PTPRD: variants seen among roughly 807,000 people sequenced by gnomAD.
The protein encoded by PTPRD is protein tyrosine phosphatase receptor type D.
Under a neutral mutation model 214.5 loss-of-function variants are expected in PTPRD, and 34 were observed. The ratio of observed to expected loss-of-function variants is 0.16; its 90% CI spans 0.12 to 0.21. PTPRD has a LOEUF of 0.21. Ranked by LOEUF, PTPRD falls within the 10% of genes least tolerant of loss-of-function variation. The pLI is 1.00. For missense variants in PTPRD, 2,545 were observed against 2,398.7 expected (o/e 1.06, Z -1.27); for synonymous variants, 1,128 against 845.7 (o/e 1.33, Z -5.79).
intron 11 of PTPRD, among the ~76,000 whole-genome samples, chr9:9,009,683 G>C (rs1159105146): frequency 6.6e-6 from 1 of 152,068 alleles, no homozygotes; most frequent in Non-Finnish European, 1.5e-5. Flanking sequence ...TGACATTGGT[G>C]TATCTGTGGA....
intron 9 of PTPRD, among the ~76,000 whole-genome samples, chr9:9,245,237 C>T (rs945065981): frequency 3.3e-5 from 5 of 152,194 alleles, no homozygotes; most frequent in Non-Finnish European, 7.4e-5. Flanking sequence ...GGCGATTCCT[C>T]GGGGATCTAG....
At chr9:8,578,499 C>T (rs2154248115) in intron 14 of PTPRD, among the ~76,000 whole-genome samples, 1 of 152,154 alleles carries the variant, frequency 6.6e-6, no homozygotes, top group East Asian at 1.9e-4. Flanking sequence ...ACACGTGAAA[C>T]AAAAACTCAG....
In PTPRD at chr9:9,077,154, G is replaced by GTT. The variant is rs71317399; in HGVS notation, c.-142-58421_-142-58420dup. The stretch of plus-strand genomic sequence containing the variant: ...TGCCCATTTTAAAATCAGATTATTA[G>GTT]TTTTTTTTTTTTTTCTGTAGAGTTG... On this transcript the variant is annotated intron_variant, in intron 10 of 45. Transcript: ENST00000381196. Among the ~76,000 whole-genome samples, 292 of 144,662 alleles carry GTT rather than the reference G, an allele frequency of 2.0e-3. 2 individuals carry two copies. In the South Asian group the frequency reaches 0.028, roughly 14 times the overall value. 94.9% of individuals were successfully genotyped at this position (144,662 alleles called of 152,430 possible). A position where few individuals can be genotyped will look rare whatever the true frequency, so the allele number is the denominator to read the frequency against.
intron 3 of PTPRD, among the ~76,000 whole-genome samples, chr9:10,163,981 T>A (rs1183132376): frequency 1.3e-5 from 2 of 151,414 alleles, no homozygotes; most frequent in East Asian, 3.9e-4. Context: ...TATATGGCAA[T>A]GAACTATTTT....
intron 7 of PTPRD, among the ~76,000 whole-genome samples, chr9:9,709,630 G>C (rs2154422013): frequency 6.6e-6 from 1 of 151,992 alleles, no homozygotes; most frequent in African/African-American, 2.4e-5. Context: ...TTCACATTCA[G>C]CCATTCTAAA....
chr9:9,726,011 G>T (rs2098083915), intron 7 of PTPRD, among the ~76,000 whole-genome samples: 1 of 152,114 alleles, frequency 6.6e-6, no homozygotes, highest in South Asian at 2.1e-4. Context: ...TAACTACATG[G>T]CTATGAATGT....
At chr9:9,127,702 A>T (rs2099836228) in intron 10 of PTPRD, among the ~76,000 whole-genome samples, 2 of 152,200 alleles carry the variant, frequency 1.3e-5, no homozygotes, top group Non-Finnish European at 2.9e-5. Context: ...TCAAGACGGG[A>T]GGTGTAAATT....
At chr9:9,361,535 T>A (rs1047482724) in intron 9 of PTPRD, among the ~76,000 whole-genome samples, 1 of 151,046 alleles carries the variant, frequency 6.6e-6, no homozygotes, top group Admixed American at 6.6e-5. Context: ...TTTTTTTTTA[T>A]TGATACATAA....
chr9:9,393,797 A>G (rs995209497), intron 9 of PTPRD, among the ~76,000 whole-genome samples: 5 of 152,152 alleles, frequency 3.3e-5, no homozygotes, highest in Admixed American at 2.0e-4. Context: ...ACTGAATATA[A>G]ATAATTTAGC....
chr9:9,082,027 G>C (rs545005117), intron 10 of PTPRD, among the ~76,000 whole-genome samples: 259 of 152,026 alleles, frequency 1.7e-3, no homozygotes, highest in African/African-American at 5.8e-3. Context: ...AATTCTACCA[G>C]AGGTACAAAG....
At chr9:9,462,584 T>C (rs758773535) in intron 8 of PTPRD, among the ~76,000 whole-genome samples, 1 of 152,146 alleles carries the variant, frequency 6.6e-6, no homozygotes, top group African/African-American at 2.4e-5. Flanking sequence ...ATAAAAACCA[T>C]GCACATGACT....
At chr9:10,595,755 T>C (rs939683780) in intron 2 of PTPRD, among the ~76,000 whole-genome samples, 8 of 151,792 alleles carry the variant, frequency 5.3e-5, no homozygotes, top group Non-Finnish European at 7.4e-5. Flanking sequence ...ATAATCTTTC[T>C]GTAAGCTCTA....
At chr9:9,230,817 A>G (rs534205366) in intron 9 of PTPRD, among the ~76,000 whole-genome samples, 32 of 152,302 alleles carry the variant, frequency 2.1e-4, no homozygotes, top group African/African-American at 7.2e-4. Context: ...TTTAAAAAAG[A>G]CTAACCTGAG....
chr9:10,139,217 T>C (rs1046530880), intron 3 of PTPRD, among the ~76,000 whole-genome samples: 1 of 151,362 alleles, frequency 6.6e-6, no homozygotes, highest in Non-Finnish European at 1.5e-5. Context: ...GATAAATGCA[T>C]AAAATTCAGT....
intron 14 of PTPRD, among the ~76,000 whole-genome samples, chr9:8,596,706 T>C (rs1402310108): frequency 6.6e-6 from 1 of 152,116 alleles, no homozygotes; most frequent in Non-Finnish European, 1.5e-5. Context: ...ACACATAAAC[T>C]ACATTTAATA....
intron 12 of PTPRD, among the ~76,000 whole-genome samples, chr9:8,704,833 G>C (rs998277696): frequency 6.6e-6 from 1 of 151,926 alleles, no homozygotes; most frequent in African/African-American, 2.4e-5. Context: ...TGAGGCAGGA[G>C]AATCATGTGA....
intron 11 of PTPRD, among the ~76,000 whole-genome samples, chr9:8,815,279 C>A (rs2096898155): frequency 6.6e-6 from 1 of 152,110 alleles, no homozygotes; most frequent in African/African-American, 2.4e-5. Flanking sequence ...ATAAATTTAA[C>A]TGGCTTACCT....
intron 12 of PTPRD, among the ~76,000 whole-genome samples, chr9:8,711,314 A>C (rs577188618): frequency 6.6e-6 from 1 of 152,156 alleles, no homozygotes; most frequent in Non-Finnish European, 1.5e-5. Flanking sequence ...CAAATATATA[A>C]TTATTAAAAT....
chr9:10,598,698 G>T (rs2077198098), intron 2 of PTPRD, among the ~76,000 whole-genome samples: 1 of 84,650 alleles, frequency 1.2e-5, no homozygotes. Flanking sequence ...GTGTGTGTGT[G>T]TGTGTGGTGT....
Sources: allele counts gnomAD v4.1 joint callset (sites outside exome capture counted in the v4.1 genomes callset), GRCh38; gene constraint gnomAD v4.1.1; transcripts MANE v1.5; gene names NCBI Gene and HGNC (gene_info 2026-07-23, HGNC 2026-07-21).